Variants in PHKB observed in about 807,000 individuals in gnomAD.
PHKB encodes phosphorylase b kinase regulatory subunit beta.
PHKB carries 122 observed loss-of-function variants against 152.1 expected under a neutral mutation model. The ratio of observed to expected loss-of-function variants is 0.80; its 90% CI spans 0.69 to 0.93. PHKB has a LOEUF of 0.93. Ranked by LOEUF, PHKB falls within the 40% of genes least tolerant of loss-of-function variation. PHKB has a pLI of 0.00. For missense variants in PHKB, 1,304 were observed against 1,328.4 expected, an observed-to-expected ratio of 0.98 and a Z score of 0.29; for synonymous variants, 436 against 464.9, an observed-to-expected ratio of 0.94 and a Z score of 0.80.
intron 1 of PHKB, among the ~76,000 whole-genome samples, chr16:47,495,509 C>T (rs572882446): frequency 1.8e-4 from 27 of 152,096 alleles, no homozygotes; most frequent in African/African-American, 4.6e-4. Context: ...AAATGTTACC[C>T]GCAATTCTTC....
At chr16:47,563,158 C>G (rs1282451937) in intron 7 of PHKB, among the ~76,000 whole-genome samples, 4 of 151,578 alleles carry the variant, frequency 2.6e-5, no homozygotes, top group Non-Finnish European at 5.9e-5. Flanking sequence ...CATTTGGAAT[C>G]AGCTTCTTCC....
At chr16:47,624,543 C>G (rs542524493) in intron 14 of PHKB, among the ~76,000 whole-genome samples, 2 of 152,296 alleles carry the variant, frequency 1.3e-5, no homozygotes, top group East Asian at 3.9e-4. Flanking sequence ...AACTCTTCCT[C>G]TGAATCCCAG....
chr16:47,480,760 A>G (rs1029960277), intron 1 of PHKB, among the ~76,000 whole-genome samples: 5 of 152,198 alleles, frequency 3.3e-5, no homozygotes, highest in Non-Finnish European at 7.3e-5. Context: ...GTACTGCAAA[A>G]TTTTAATAGA....
chr16:47,610,971 C>A, intron 14 of PHKB, 51 bp downstream of exon 14: 1 of 1,154,112 alleles, frequency 8.7e-7, no homozygotes, highest in Non-Finnish European at 1.3e-6. Context: ...GACATTTAAG[C>A]TTAATTGAAG....
chr16:47,516,683 C>G (rs1252466796), intron 6 of PHKB, among the ~76,000 whole-genome samples: 1 of 151,976 alleles, frequency 6.6e-6, no homozygotes, highest in Non-Finnish European at 1.5e-5. Flanking sequence ...TGTAGCCCTG[C>G]CCTCTAGTAG....
chr16:47,472,826 G>A (rs1471971114), intron 1 of PHKB, among the ~76,000 whole-genome samples: 1 of 151,760 alleles, frequency 6.6e-6, no homozygotes, highest in Non-Finnish European at 1.5e-5. Context: ...GCCTGGGATG[G>A]CTGGTTGGAG....
intron 26 of PHKB, among the ~76,000 whole-genome samples, chr16:47,674,064 A>G (rs1431397757): frequency 6.6e-6 from 1 of 151,994 alleles, no homozygotes; most frequent in Non-Finnish European, 1.5e-5. Flanking sequence ...CTAAAACTTT[A>G]TGGCCTTTAT....
intron 14 of PHKB, among the ~76,000 whole-genome samples, chr16:47,632,416 A>G (rs546905792): frequency 5.1e-4 from 77 of 152,324 alleles, no homozygotes; most frequent in Non-Finnish European, 7.9e-4. Flanking sequence ...GACGTGTTCT[A>G]TGTGTTAATA....
intron 1 of PHKB, among the ~76,000 whole-genome samples, chr16:47,475,421 T>G (rs1308171630): frequency 6.6e-6 from 1 of 152,196 alleles, no homozygotes; most frequent in African/African-American, 2.4e-5. Context: ...CCTCTGTCCT[T>G]AAGCAAAAAC....
Position 47,497,382 on chromosome 16 carries a change from T to G in PHKB, c.77-17T>G, listed in dbSNP as rs756868950. ...TGAAAATGACTGAATTTGATGGGTTTTTATTTTTTCTTTTAGGCTCAGTTT... is the reference window on the plus strand; with the variant it reads ...TGAAAATGACTGAATTTGATGGGTTGTTATTTTTTCTTTTAGGCTCAGTTT... On this transcript the variant is annotated splice_polypyrimidine_tract_variant and intron_variant, in intron 1 of 30. Coordinates refer to ENST00000323584, the MANE Select transcript of PHKB (RefSeq NM_000293.3). The G allele has an allele frequency of 1.3e-6, 2 of 1,518,516 alleles. No homozygotes were observed. The highest frequency in any genetic ancestry group is 1.8e-6 in the Non-Finnish European group (2 of 1,100,230). The allele number at this position is 1,518,516 out of a possible 1,614,324, so 94.1% of individuals were successfully genotyped here.
intron 6 of PHKB, among the ~76,000 whole-genome samples, chr16:47,535,915 A>C (rs1362021642): frequency 3.3e-5 from 5 of 152,256 alleles, no homozygotes; most frequent in Non-Finnish European, 7.3e-5. Flanking sequence ...TCAAAGGTAC[A>C]TGCTTTCAAA....
rs187102080 is a variant in PHKB at position 47,622,770 on chromosome 16, T to C, written c.1458+11850T>C. ...ATTTTCTGTGCTGCAAGTTTCCAAATTGAGGATGAAAGTCAGTACTTGTTT... is the reference window on the plus strand; with the variant it reads ...ATTTTCTGTGCTGCAAGTTTCCAAACTGAGGATGAAAGTCAGTACTTGTTT... On this transcript the variant is annotated intron_variant, in intron 14 of 30. Coordinates refer to ENST00000323584, the MANE Select transcript of PHKB (RefSeq NM_000293.3). 2.6e-5 allele frequency among the ~76,000 whole-genome samples: 4 copies of C among 152,306 alleles called. No homozygotes were observed. The East Asian group carries it at 7.7e-4, about 29-fold the overall frequency.
chr16:47,606,626 G>C (rs1022081566), intron 13 of PHKB, among the ~76,000 whole-genome samples: 2 of 152,140 alleles, frequency 1.3e-5, no homozygotes, highest in African/African-American at 4.8e-5. Flanking sequence ...GGACTTGCTG[G>C]GTTGGAAAAT....
chr16:47,611,651 AT>A, intron 14 of PHKB, among the ~76,000 whole-genome samples: 1 of 152,256 alleles, frequency 6.6e-6, no homozygotes, highest in South Asian at 2.1e-4. Flanking sequence ...TTAAAAAAAA[AT>A]GTGTATTATA....
intron 13 of PHKB, among the ~76,000 whole-genome samples, chr16:47,602,561 T>TTC (rs1972248639): frequency 1.3e-5 from 2 of 150,290 alleles, no homozygotes; most frequent in Admixed American, 1.3e-4. Context: ...TTTTTTTTTT[T>TTC]TCTTTTCTTA....
chr16:47,589,042 T>C lies in PHKB; in HGVS notation c.1008T>C (p.Asp336=). The C allele has an allele frequency of 1.2e-6, 2 of 1,613,706 alleles. No individual in the cohort carries two copies. Among genetic ancestry groups the C allele is most frequent in the Non-Finnish European group, 1.7e-6 (2 of 1,179,634 alleles). The part of the protein sequence containing the change: ...GKYGFKRFLR[D]GYRTSLEDPN... The stretch of plus-strand genomic sequence containing the variant: ...ATGGATTTAAACGTTTCTTGAGAGA[T>C]GGGTATAGAACATCATTGGAAGATC... Residue 336 remains aspartate (D), a synonymous_variant, in exon 10 of 31, where the codon GAT becomes GAC. Coordinates refer to ENST00000323584, the MANE Select transcript of PHKB (RefSeq NM_000293.3).
intron 7 of PHKB, chr16:47,561,880 G>A (rs1017195815): frequency 2.0e-5 from 3 of 152,264 alleles, no homozygotes; most frequent in South Asian, 2.1e-4. Flanking sequence ...TTTAGGGCTC[G>A]ATATGATTTT....
At chr16:47,681,529 G>C (rs556034643) in intron 26 of PHKB, among the ~76,000 whole-genome samples, 28 of 151,416 alleles carry the variant, frequency 1.8e-4, no homozygotes, top group African/African-American at 2.7e-4. Context: ...ATGTAATGGC[G>C]TTCTTTGTCT....
At position 47,461,333 on chromosome 16, in the gene PHKB, G is replaced by T; in HGVS notation, c.-18G>T. ...AGGCGGCCCCGGGGGCGGTGGCCAA[G>T]GCGGCGACCGGAGCGCGATGGCGGG... On this transcript the variant is annotated 5_prime_UTR_variant, in exon 1 of 31. It adds an upstream start codon to the 5' untranslated region. Transcript: ENST00000323584. 6.3e-7 allele frequency: 1 copy of T among 1,597,344 alleles called. No homozygotes were observed. The highest frequency in any genetic ancestry group is 1.1e-5 in the South Asian group (1 of 89,684).
Sources: allele counts gnomAD v4.1 joint callset (sites outside exome capture counted in the v4.1 genomes callset), GRCh38; gene constraint gnomAD v4.1.1; transcripts MANE v1.5; gene names NCBI Gene and HGNC (gene_info 2026-07-23, HGNC 2026-07-21).